Variants in CCDC181 observed in about 807,000 individuals in gnomAD.
CCDC181 encodes coiled-coil domain-containing protein 181.
Under a neutral mutation model 58.7 loss-of-function variants are expected in CCDC181, and 35 were observed. That is an observed-to-expected ratio of 0.60 (90% CI 0.46 to 0.79). The LOEUF is 0.79. Ranked by LOEUF, CCDC181 falls within the 30% of genes least tolerant of loss-of-function variation. The pLI is 0.00. For synonymous variants in CCDC181, 183 were observed against 197.5 expected (o/e 0.93, Z 0.62); for missense variants, 517 against 583.9 (o/e 0.89, Z 1.18).
intron 3 of CCDC181, among the ~76,000 whole-genome samples, chr1:169,421,022 C>A (rs1053046901): frequency 6.6e-6 from 1 of 152,160 alleles, no homozygotes; most frequent in Non-Finnish European, 1.5e-5. Context: ...ATTTTTCCAT[C>A]TGACATTTTA....
chr1:169,399,632 G>T (rs1180765984), intron 4 of CCDC181, among the ~76,000 whole-genome samples: 1 of 152,094 alleles, frequency 6.6e-6, no homozygotes, highest in African/African-American at 2.4e-5. Context: ...ATTAGTAATG[G>T]ATTAAATTAT....
chr1:169,400,563 G>C (rs1019155009), intron 4 of CCDC181, among the ~76,000 whole-genome samples: 3 of 151,470 alleles, frequency 2.0e-5, no homozygotes, highest in African/African-American at 7.3e-5. Context: ...GATACAAACA[G>C]GTCTAATATT....
chr1:169,458,555 G>A (rs1657744456), intron 2 of CCDC181, among the ~76,000 whole-genome samples: 1 of 152,086 alleles, frequency 6.6e-6, no homozygotes, highest in African/African-American at 2.4e-5. Flanking sequence ...GCACAGAGAT[G>A]TGTTCACCAA....
At chr1:169,439,263 A>T (rs948502297) in intron 2 of CCDC181, among the ~76,000 whole-genome samples, 2 of 151,928 alleles carry the variant, frequency 1.3e-5, no homozygotes, top group African/African-American at 4.8e-5. Flanking sequence ...ACCAACCCAG[A>T]CACCCCACAA....
intron 1 of CCDC181, among the ~76,000 whole-genome samples, chr1:169,426,994 T>G (rs757189655): frequency 6.6e-6 from 1 of 152,196 alleles, no homozygotes; most frequent in Non-Finnish European, 1.5e-5. Flanking sequence ...ACAAAATTAT[T>G]ACTTTCCACG....
chr1:169,459,924 AAAAAAGG>A (rs1657798011), intron 1 of CCDC181: 1 of 150,940 alleles, frequency 6.6e-6, no homozygotes, highest in African/African-American at 2.4e-5. Flanking sequence ...AAAAAAAAAA[AAAAAAGG>A]AGGAGGCGGA....
intron 4 of CCDC181, among the ~76,000 whole-genome samples, chr1:169,399,576 G>T (rs1037970882): frequency 6.6e-6 from 1 of 151,956 alleles, no homozygotes; most frequent in African/African-American, 2.4e-5. Context: ...TAAAAAATTA[G>T]AGGAAAATAA....
intron 2 of CCDC181, among the ~76,000 whole-genome samples, chr1:169,433,033 G>T (rs1042728719): frequency 2.0e-5 from 3 of 152,016 alleles, no homozygotes; most frequent in African/African-American, 7.2e-5. Context: ...AGCCAGATTA[G>T]AAAGGAAGAA....
At chr1:169,438,961 C>G (rs146484054) in intron 2 of CCDC181, among the ~76,000 whole-genome samples, 42 of 152,334 alleles carry the variant, frequency 2.8e-4, no homozygotes, top group African/African-American at 1.0e-3. Flanking sequence ...TCCTCCTATT[C>G]TCCATCTGAG....
At chr1:169,403,253 C>T (rs1445225726) in intron 4 of CCDC181, among the ~76,000 whole-genome samples, 4 of 152,098 alleles carry the variant, frequency 2.6e-5, no homozygotes, top group East Asian at 3.8e-4. Flanking sequence ...GACAGATCAA[C>T]GAGACAGAAA....
chr1:169,427,136 G>A (rs1215759645), intron 1 of CCDC181, among the ~76,000 whole-genome samples, 152 bp downstream of exon 1: 2 of 152,076 alleles, frequency 1.3e-5, no homozygotes, highest in Non-Finnish European at 2.9e-5. Flanking sequence ...GGTGGACCTC[G>A]GACTCCAGAG....
intron 4 of CCDC181, among the ~76,000 whole-genome samples, 162 bp from the exon 5 acceptor site, chr1:169,397,553 G>A (rs1055046544): frequency 9.9e-5 from 15 of 152,048 alleles, no homozygotes; most frequent in South Asian, 4.1e-4. Flanking sequence ...AATACATCAC[G>A]CTTAAGTTTT....
At position 169,418,089 on chromosome 1, in the gene CCDC181, G is replaced by T. The variant is rs1656293671; in HGVS notation, c.1215+924C>A. On this transcript the variant is annotated intron_variant, in intron 4 of 5. Coordinates refer to ENST00000367806, the MANE Select transcript of CCDC181 (RefSeq NM_001300969.2). The stretch of plus-strand genomic sequence containing the variant: ...AACTATAAATTCATATTATCTTTTG[G>T]GAGGTTACTTTTGCATCTTTAACGA... Among the ~76,000 whole-genome samples the T allele has an allele frequency of 3.3e-5, 5 of 152,172 alleles. No homozygotes were observed. The South Asian group carries it at 1.0e-3, about 32-fold the overall frequency.
chr1:169,439,569 G>A (rs1439522878), intron 2 of CCDC181, among the ~76,000 whole-genome samples: 1 of 152,146 alleles, frequency 6.6e-6, no homozygotes, highest in Non-Finnish European at 1.5e-5. Flanking sequence ...TTTGGTCTCA[G>A]GACTCACAGT....
chr1:169,415,611 G>A (rs1180632530), intron 4 of CCDC181, among the ~76,000 whole-genome samples: 4 of 151,966 alleles, frequency 2.6e-5, no homozygotes, highest in African/African-American at 7.3e-5. Context: ...TCCCCCATAC[G>A]TCTTCTGAAT....
At chr1:169,418,728 C>A in intron 4 of CCDC181, 1 of 441,866 alleles carries the variant, frequency 2.3e-6, no homozygotes, top group Non-Finnish European at 4.0e-6. Flanking sequence ...GTGTGTGTAT[C>A]TTTGCCCTGT....
intron 4 of CCDC181, 149 bp downstream of exon 4, chr1:169,418,864 T>C: frequency 1.7e-6 from 1 of 605,128 alleles, no homozygotes; most frequent in East Asian, 2.7e-5. Flanking sequence ...ATTGTAGTTA[T>C]CTGCATGTTG....
At chr1:169,406,937 A>C (rs1655694328) in intron 4 of CCDC181, among the ~76,000 whole-genome samples, 1 of 152,126 alleles carries the variant, frequency 6.6e-6, no homozygotes, top group Non-Finnish European at 1.5e-5. Context: ...GAAATGATGT[A>C]AACTGAACAA....
At chr1:169,410,244 A>G (rs1388157960) in intron 4 of CCDC181, among the ~76,000 whole-genome samples, 1 of 151,780 alleles carries the variant, frequency 6.6e-6, no homozygotes, top group Non-Finnish European at 1.5e-5. Flanking sequence ...TTGCAATACT[A>G]GTCTCTGATA....
Sources: allele counts gnomAD v4.1 joint callset (sites outside exome capture counted in the v4.1 genomes callset), GRCh38; gene constraint gnomAD v4.1.1; transcripts MANE v1.5; gene names NCBI Gene and HGNC (gene_info 2026-07-23, HGNC 2026-07-21).